Variants in GNG2 observed in about 807,000 individuals in gnomAD.
GNG2 encodes the protein G protein subunit gamma 2.
GNG2 carries 5 observed loss-of-function variants against 5.5 expected under a neutral mutation model. The observed-to-expected ratio is 0.91, with a 90% CI of 0.48 to 1.92. The LOEUF (loss-of-function observed/expected upper bound fraction) is 1.92, where lower values mean the gene tolerates loss of function less well. Among genes scored for constraint, GNG2 ranks in the 30% most tolerant of loss-of-function variants. The pLI is 0.01. For synonymous variants in GNG2, 28 were observed against 32.0 expected (o/e 0.88, Z 0.42); for missense variants, 55 against 88.4 (o/e 0.62, Z 1.52).
chr14:51,894,713 A>G (rs1402644801), intron 2 of GNG2, among the ~76,000 whole-genome samples: 1 of 152,092 alleles, frequency 6.6e-6, no homozygotes, highest in Non-Finnish European at 1.5e-5. Context: ...CTCAAGATAT[A>G]AGCTTATTGG....
chr14:51,960,761 G>A (rs1280949284), intron 3 of GNG2, among the ~76,000 whole-genome samples: 15 of 152,100 alleles, frequency 9.9e-5, no homozygotes, highest in Non-Finnish European at 5.9e-5. Context: ...GGGCTATGTG[G>A]CATCACTAAT....
chr14:51,889,217 A>T (rs1004338163), intron 2 of GNG2, among the ~76,000 whole-genome samples: 6 of 151,450 alleles, frequency 4.0e-5, no homozygotes, highest in African/African-American at 1.2e-4. Context: ...AGTTCAAGCA[A>T]TTCTCCTGCC....
intron 2 of GNG2, among the ~76,000 whole-genome samples, chr14:51,945,455 C>T (rs943601128): frequency 6.6e-6 from 1 of 152,138 alleles, no homozygotes; most frequent in Non-Finnish European, 1.5e-5. Flanking sequence ...CTATATGATT[C>T]CACTTCTATG....
intron 2 of GNG2, among the ~76,000 whole-genome samples, chr14:51,908,392 T>C (rs1886070550): frequency 6.6e-6 from 1 of 152,228 alleles, no homozygotes; most frequent in South Asian, 2.1e-4. Context: ...CAGGTCATCT[T>C]GGAGGCTGGC....
intron 1 of GNG2, among the ~76,000 whole-genome samples, chr14:51,867,283 T>C (rs955635162): frequency 6.6e-6 from 1 of 152,120 alleles, no homozygotes; most frequent in African/African-American, 2.4e-5. Context: ...TGATGAAGCA[T>C]CCTAATCATT....
At chr14:51,949,295 G>A (rs1243431137) in intron 2 of GNG2, among the ~76,000 whole-genome samples, 1 of 145,632 alleles carries the variant, frequency 6.9e-6, no homozygotes, top group Non-Finnish European at 1.5e-5. Context: ...TTGAAGAACT[G>A]GATATCAAGA....
intron 2 of GNG2, among the ~76,000 whole-genome samples, chr14:51,934,683 A>G (rs1241051855): frequency 4.6e-5 from 7 of 152,130 alleles, no homozygotes; most frequent in Non-Finnish European, 7.4e-5. Context: ...CACGTTCTCT[A>G]TGTGAACATT....
upstream of GNG2, among the ~76,000 whole-genome samples, chr14:51,856,381 G>T (rs1292000524): frequency 6.6e-6 from 1 of 152,094 alleles, no homozygotes; most frequent in East Asian, 1.9e-4. Flanking sequence ...TCTCTTTAAA[G>T]TTCCTACAGA....
chr14:51,946,906 A>T (rs1251075678), intron 2 of GNG2, among the ~76,000 whole-genome samples: 5 of 152,094 alleles, frequency 3.3e-5, no homozygotes, highest in African/African-American at 1.2e-4. Context: ...GGATTTTTTC[A>T]TTGCTTTTAC....
At chr14:51,953,248 T>C (rs1889091779) in intron 3 of GNG2, among the ~76,000 whole-genome samples, 1 of 152,232 alleles carries the variant, frequency 6.6e-6, no homozygotes, top group South Asian at 2.1e-4. Flanking sequence ...ATATAATAAA[T>C]ACTTTACTGA....
intron 2 of GNG2, among the ~76,000 whole-genome samples, chr14:51,886,037 C>G (rs1267492916): frequency 6.6e-6 from 1 of 152,152 alleles, no homozygotes; most frequent in Non-Finnish European, 1.5e-5. Context: ...TTAGATTTGC[C>G]ATTTAGGCAG....
intron 2 of GNG2, chr14:51,914,008 A>G: frequency 2.0e-6 from 1 of 505,678 alleles, no homozygotes; most frequent in Non-Finnish European, 3.5e-6. Context: ...TTTTATCTGT[A>G]GGTAAGAATT....
chr14:51,957,707 C>T (rs559451686), intron 3 of GNG2, among the ~76,000 whole-genome samples: 7 of 152,278 alleles, frequency 4.6e-5, no homozygotes, highest in East Asian at 3.9e-4. Flanking sequence ...TCCCTTTTAG[C>T]GAGAGGACCA....
chr14:51,875,065 T>C (rs1261672337), intron 1 of GNG2, among the ~76,000 whole-genome samples: 1 of 152,244 alleles, frequency 6.6e-6, no homozygotes, highest in Non-Finnish European at 1.5e-5. Flanking sequence ...TTAGTTGAAC[T>C]GCATGTAACA....
At chr14:51,904,900 T>C (rs1885812023) in intron 2 of GNG2, among the ~76,000 whole-genome samples, 1 of 152,260 alleles carries the variant, frequency 6.6e-6, no homozygotes, top group Admixed American at 6.5e-5. Context: ...TACGTCTGCC[T>C]GATTGCCCAG....
At chr14:51,938,114 G>A (rs947223219) in intron 2 of GNG2, among the ~76,000 whole-genome samples, 2 of 152,200 alleles carry the variant, frequency 1.3e-5, no homozygotes, top group Admixed American at 6.5e-5. Context: ...CCTTGTTAAT[G>A]AATTTTAAAC....
chr14:51,862,678 G>A (rs552215458), intron 1 of GNG2, among the ~76,000 whole-genome samples: 86 of 152,342 alleles, frequency 5.6e-4, no homozygotes, highest in African/African-American at 2.0e-3. Flanking sequence ...CTTGCCCGAC[G>A]GGCATAGTAG....
At chr14:51,883,164 TTTG>T (rs1216399952) in intron 2 of GNG2, among the ~76,000 whole-genome samples, 1 of 152,198 alleles carries the variant, frequency 6.6e-6, no homozygotes, top group Non-Finnish European at 1.5e-5. Context: ...CTGACGGGGA[TTTG>T]TTTCAAGGCA....
At chr14:51,891,643 T>C (rs985469194) in intron 2 of GNG2, among the ~76,000 whole-genome samples, 2 of 152,246 alleles carry the variant, frequency 1.3e-5, no homozygotes, top group Non-Finnish European at 2.9e-5. Flanking sequence ...TTTCACCTGT[T>C]TTAGAACTTT....
Sources: gnomAD v4.1 joint callset for allele counts (sites outside exome capture counted in the v4.1 genomes callset) on GRCh38, gnomAD v4.1.1 for gene constraint, MANE v1.5 for transcripts, NCBI Gene and HGNC (gene_info 2026-07-23, HGNC 2026-07-21) for gene names.